The following GLIPR1L2 variants were observed in gnomAD, a reference collection of about 807,000 sequenced individuals.
GLIPR1L2 encodes the protein GLIPR1 like 2.
GLIPR1L2 carries 21 observed loss-of-function variants against 28.4 expected under a neutral mutation model. That is an observed-to-expected ratio of 0.74 (90% CI 0.52 to 1.06). The LOEUF (loss-of-function observed/expected upper bound fraction) is 1.06. Ranked by LOEUF, GLIPR1L2 falls within the 50% of genes least tolerant of loss-of-function variation. The pLI is 0.00. For synonymous variants in GLIPR1L2, 145 were observed against 139.3 expected (o/e 1.04, Z -0.29); for missense variants, 476 against 416.9 (o/e 1.14, Z -1.23).
intron 1 of GLIPR1L2, among the ~76,000 whole-genome samples, chr12:75,398,806 C>G (rs921143404): frequency 2.6e-5 from 4 of 152,070 alleles, no homozygotes; most frequent in African/African-American, 9.7e-5. Flanking sequence ...TTTCTCCATC[C>G]CCAGAGAAAA....
At chr12:75,400,425 A>G (rs1280338377) in intron 1 of GLIPR1L2, among the ~76,000 whole-genome samples, 1 of 152,144 alleles carries the variant, frequency 6.6e-6, no homozygotes, top group Non-Finnish European at 1.5e-5. Context: ...CCCGGCCTGA[A>G]CGTTCTTTAT....
At chr12:75,391,390 T>C in intron 1 of GLIPR1L2, 40 bp downstream of exon 1, 1 of 1,605,526 alleles carries the variant, frequency 6.2e-7, no homozygotes, top group Non-Finnish European at 8.5e-7. Flanking sequence ...TCCACTACCG[T>C]TGCCACAACG....
At chr12:75,418,194 G>A (rs903064074) in intron 3 of GLIPR1L2, among the ~76,000 whole-genome samples, 1 of 152,078 alleles carries the variant, frequency 6.6e-6, no homozygotes, top group Non-Finnish European at 1.5e-5. Context: ...CATATGTAAT[G>A]ATTGTGATAA....
At chr12:75,403,794 TC>T (rs1433126162) in intron 1 of GLIPR1L2, among the ~76,000 whole-genome samples, 2 of 151,994 alleles carry the variant, frequency 1.3e-5, no homozygotes, top group Non-Finnish European at 2.9e-5. Flanking sequence ...GAACTTTAGA[TC>T]CCCTGCCCCC....
intron 4 of GLIPR1L2, among the ~76,000 whole-genome samples, chr12:75,428,621 G>C (rs2046058844): frequency 6.6e-6 from 1 of 152,158 alleles, no homozygotes; most frequent in Non-Finnish European, 1.5e-5. Context: ...TGGGGAAAAC[G>C]TCTCCAGGAT....
intron 1 of GLIPR1L2, 90 bp downstream of exon 1, chr12:75,391,440 G>A (rs1035222009): frequency 1.4e-5 from 22 of 1,600,222 alleles, no homozygotes; most frequent in Admixed American, 1.7e-5. Flanking sequence ...CTGCTCTGAG[G>A]CTGAAGGATC....
intron 1 of GLIPR1L2, among the ~76,000 whole-genome samples, chr12:75,406,391 T>C (rs1229769384): frequency 6.6e-6 from 1 of 152,142 alleles, no homozygotes; most frequent in Non-Finnish European, 1.5e-5. Context: ...TTCCTTTACT[T>C]TGTTTTTTTA....
At chr12:75,400,940 T>G (rs2045734395) in intron 1 of GLIPR1L2, among the ~76,000 whole-genome samples, 2 of 152,080 alleles carry the variant, frequency 1.3e-5, no homozygotes, top group Middle Eastern at 6.8e-3. Flanking sequence ...TGTGTGTGTA[T>G]TTTTGTTATT....
At chr12:75,424,453 A>T (rs2046012983) in intron 4 of GLIPR1L2, among the ~76,000 whole-genome samples, 1 of 151,992 alleles carries the variant, frequency 6.6e-6, no homozygotes, top group Non-Finnish European at 1.5e-5. Flanking sequence ...TTCTTTGTAG[A>T]TTCTGGAAAA....
Position 75,426,949 on chromosome 12 carries a change from G to GA in GLIPR1L2, c.671-3760dup, listed in dbSNP as rs200386352. ...CATTCACCAAAAAGAAGAGATGAAT[G>GA]AAAAAACTTGAGTGAAAGAACTCTC... is the stretch of plus-strand genomic sequence containing the variant. On this transcript the variant is annotated intron_variant, in intron 4 of 5. Transcript: ENST00000550916. 2.6e-3 allele frequency among the ~76,000 whole-genome samples: 398 copies of GA among 152,096 alleles called. 1 individual carries two copies. Among genetic ancestry groups the GA allele is most frequent in the African/African-American group, 8.7e-3 (359 of 41,474 alleles).
At chr12:75,395,768 A>G (rs1279454287) in intron 1 of GLIPR1L2, among the ~76,000 whole-genome samples, 1 of 151,728 alleles carries the variant, frequency 6.6e-6, no homozygotes, top group Non-Finnish European at 1.5e-5. Flanking sequence ...TTTATTTCTT[A>G]CTCAGTCTTG....
chr12:75,422,115 C>T (rs1477680095), intron 3 of GLIPR1L2, among the ~76,000 whole-genome samples: 1 of 151,738 alleles, frequency 6.6e-6, no homozygotes, highest in Non-Finnish European at 1.5e-5. Flanking sequence ...CTCAGTATCC[C>T]GAGTAGCTGG....
chr12:75,400,086 T>C (rs527294922), intron 1 of GLIPR1L2, among the ~76,000 whole-genome samples: 8 of 152,064 alleles, frequency 5.3e-5, no homozygotes, highest in South Asian at 4.2e-4. Context: ...CATACACCTG[T>C]GGGGAAAAAA....
At chr12:75,404,765 T>C (rs1364430732) in intron 1 of GLIPR1L2, among the ~76,000 whole-genome samples, 2 of 152,142 alleles carry the variant, frequency 1.3e-5, no homozygotes, top group African/African-American at 2.4e-5. Context: ...GCCATAAGAA[T>C]AGTTAACAAG....
chr12:75,427,428 C>T (rs11829208), intron 4 of GLIPR1L2, among the ~76,000 whole-genome samples: 48,878 of 151,978 alleles, frequency 0.32, 8,670 homozygotes, highest in East Asian at 0.47. Context: ...TAAGACCAAG[C>T]GCAAAAGGCT....
intron 1 of GLIPR1L2, among the ~76,000 whole-genome samples, chr12:75,404,654 T>C (rs982951089): frequency 1.3e-5 from 2 of 152,128 alleles, no homozygotes; most frequent in African/African-American, 4.8e-5. Context: ...TATCTATTAC[T>C]TTATATGTAT....
intron 1 of GLIPR1L2, among the ~76,000 whole-genome samples, chr12:75,408,176 A>G (rs528829126): frequency 6.6e-6 from 1 of 152,186 alleles, no homozygotes; most frequent in Non-Finnish European, 1.5e-5. Flanking sequence ...TTCATTAAAT[A>G]TCTCATTAAC....
intron 1 of GLIPR1L2, among the ~76,000 whole-genome samples, chr12:75,396,298 G>A (rs186319570): frequency 6.6e-6 from 1 of 152,040 alleles, no homozygotes; most frequent in African/African-American, 2.4e-5. Flanking sequence ...CTAAGTACTG[G>A]GACTACAGGT....
intron 1 of GLIPR1L2, among the ~76,000 whole-genome samples, chr12:75,403,392 C>T (rs2045763332): frequency 6.6e-6 from 1 of 152,074 alleles, no homozygotes; most frequent in African/African-American, 2.4e-5. Context: ...GGGAGATTCA[C>T]TTCCTGAGTC....
Sources: gnomAD v4.1 joint callset for allele counts (sites outside exome capture counted in the v4.1 genomes callset) on GRCh38, gnomAD v4.1.1 for gene constraint, MANE v1.5 for transcripts, NCBI Gene and HGNC (gene_info 2026-07-23, HGNC 2026-07-21) for gene names.